The following ZNF423 variants were observed in gnomAD, a reference collection of about 807,000 sequenced individuals.
ZNF423 encodes zinc finger protein 423, also known as Ebf-associated zinc finger protein.
Under a neutral mutation model 95.8 loss-of-function variants are expected in ZNF423, and 12 were observed. The observed-to-expected ratio is 0.13, with a 90% CI of 0.08 to 0.20. The LOEUF is 0.20. Among genes scored for constraint, ZNF423 ranks in the 10% least tolerant of loss-of-function variants. The pLI, the probability that ZNF423 is intolerant of heterozygous loss-of-function variation, is 1.00. For missense variants in ZNF423, 1,316 were observed against 1,737.1 expected, an observed-to-expected ratio of 0.76 and a Z score of 4.31; for synonymous variants, 749 against 711.9, an observed-to-expected ratio of 1.05 and a Z score of -0.83.
At chr16:49,605,542 C>A (rs1463291049) in intron 5 of ZNF423, among the ~76,000 whole-genome samples, 1 of 152,214 alleles carries the variant, frequency 6.6e-6, no homozygotes, top group Non-Finnish European at 1.5e-5. Context: ...GAGAACCAAG[C>A]CCATCCCACC....
intron 2 of ZNF423, among the ~76,000 whole-genome samples, chr16:49,772,707 T>C (rs1390090680): frequency 1.3e-5 from 2 of 152,230 alleles, no homozygotes; most frequent in African/African-American, 2.4e-5. Flanking sequence ...ACATCAAGCA[T>C]GTGGGATGAA....
At chr16:49,592,322 A>C (rs1698573348) in intron 5 of ZNF423, among the ~76,000 whole-genome samples, 2 of 152,130 alleles carry the variant, frequency 1.3e-5, no homozygotes, top group South Asian at 4.1e-4. Flanking sequence ...AAAGTGTATT[A>C]TTTGAGTTTT....
intron 3 of ZNF423, among the ~76,000 whole-genome samples, chr16:49,672,460 A>T (rs1192876114): frequency 2.1e-5 from 3 of 141,530 alleles, no homozygotes; most frequent in Non-Finnish European, 4.9e-5. Context: ...TCTGGCCTGG[A>T]GGGTCTGCAC....
In ZNF423 at chr16:49,638,282, G is replaced by T. The variant is rs537739203; in HGVS notation, c.894C>A (p.Ser298=). Reference sequence around the variant, plus strand: ...GAATGCACTGCAGGTCCGCCTTCTCGGACAGCTGCGGGTGGCGGGTGAGCA... The same window carrying T: ...GAATGCACTGCAGGTCCGCCTTCTCTGACAGCTGCGGGTGGCGGGTGAGCA... ...KHVLTRHPQL[S]EKADLQCIHC... Residue 298 remains serine (S), a synonymous_variant, in exon 4 of 8, where the codon TCC becomes TCA. Coordinates refer to ENST00000563137, the MANE Select transcript of ZNF423 (RefSeq NM_001379286.1). This position sits in a 1 kb window ranked among gnomAD's most constrained non-coding sequence, Gnocchi z 5.6. 2 of 1,613,484 alleles carry T rather than the reference G, an allele frequency of 1.2e-6. No individual in the cohort carries two copies. Among genetic ancestry groups the T allele is most frequent in the South Asian group, 1.1e-5 (1 of 91,078 alleles).
At chr16:49,513,051 G>A (rs1486135825) in intron 7 of ZNF423, among the ~76,000 whole-genome samples, 1 of 152,170 alleles carries the variant, frequency 6.6e-6, no homozygotes, top group Non-Finnish European at 1.5e-5. Flanking sequence ...AGCCGAGATC[G>A]TGTTACTGCA....
intron 3 of ZNF423, among the ~76,000 whole-genome samples, chr16:49,654,277 G>A (rs948962931): frequency 2.6e-5 from 4 of 152,178 alleles, no homozygotes; most frequent in Non-Finnish European, 2.9e-5. Flanking sequence ...ATGACTTGGG[G>A]GCCAGCTCTG....
chr16:49,750,333 A>AG (rs2033610685), intron 2 of ZNF423, among the ~76,000 whole-genome samples: 11 of 152,168 alleles, frequency 7.2e-5, no homozygotes, highest in Admixed American at 6.5e-4. Flanking sequence ...ATCACCCTCC[A>AG]GGGGCCAAGT....
intron 3 of ZNF423, among the ~76,000 whole-genome samples, chr16:49,712,480 G>A (rs2032575027): frequency 6.6e-6 from 1 of 152,248 alleles, no homozygotes; most frequent in South Asian, 2.1e-4. Context: ...CTACTCAGGG[G>A]CTGAGGGTTG....
intron 7 of ZNF423, among the ~76,000 whole-genome samples, chr16:49,511,128 C>T (rs1967880732): frequency 6.6e-6 from 1 of 152,246 alleles, no homozygotes; most frequent in Non-Finnish European, 1.5e-5. Context: ...CTGAGCACAG[C>T]TGGACACAGA....
chr16:49,622,457 C>G (rs1039346955), intron 5 of ZNF423, among the ~76,000 whole-genome samples: 1 of 152,074 alleles, frequency 6.6e-6, no homozygotes, highest in East Asian at 1.9e-4. Flanking sequence ...TAGGCAGTGG[C>G]TCATCACCCT....
intron 3 of ZNF423, among the ~76,000 whole-genome samples, chr16:49,706,222 C>T (rs1322245601): frequency 6.6e-6 from 1 of 152,194 alleles, no homozygotes; most frequent in African/African-American, 2.4e-5. Flanking sequence ...TCAGAACTGA[C>T]CCCTCACCAC....
chr16:49,666,967 C>A (rs530038372), intron 3 of ZNF423, among the ~76,000 whole-genome samples: 186 of 152,290 alleles, frequency 1.2e-3, no homozygotes, highest in Non-Finnish European at 2.2e-3. Flanking sequence ...AGCCCCATCA[C>A]CGACTCCATC....
intron 1 of ZNF423, chr16:49,822,782 A>G (rs2034961024): frequency 1.4e-6 from 2 of 1,478,188 alleles, no homozygotes; most frequent in Non-Finnish European, 1.9e-6. Flanking sequence ...GCTAGTAAGC[A>G]TGTGCAATCT....
intron 3 of ZNF423, among the ~76,000 whole-genome samples, chr16:49,644,711 G>GAGGGA (rs574898819): frequency 0.011 from 1,420 of 135,006 alleles, 38 homozygotes; most frequent in African/African-American, 0.037. Context: ...TGAGCCTACA[G>GAGGGA]AGGGAACAAG....
chr16:49,570,910 C>A (rs1970334425), intron 5 of ZNF423, among the ~76,000 whole-genome samples: 1 of 152,214 alleles, frequency 6.6e-6, no homozygotes, highest in South Asian at 2.1e-4. Context: ...CCACCCTCCT[C>A]CAGGTCCTGC....
intron 3 of ZNF423, among the ~76,000 whole-genome samples, chr16:49,692,015 T>C (rs893689614): frequency 2.6e-5 from 4 of 151,892 alleles, no homozygotes; most frequent in Non-Finnish European, 5.9e-5. Context: ...AGTGGTGCAA[T>C]CGCGGCTCAC....
At chr16:49,634,696 G>T (rs1429448477) in intron 4 of ZNF423, among the ~76,000 whole-genome samples, 1 of 152,164 alleles carries the variant, frequency 6.6e-6, no homozygotes, top group East Asian at 1.9e-4. Context: ...GATCCGCCTG[G>T]CACCTCCTTG....
intron 5 of ZNF423, among the ~76,000 whole-genome samples, chr16:49,586,066 C>T (rs1255363578): frequency 6.6e-6 from 1 of 152,148 alleles, no homozygotes; most frequent in Non-Finnish European, 1.5e-5. Context: ...AGAACGCTAA[C>T]CTGGCACAAC....
At chr16:49,849,092 G>A (rs1202204014) in intron 1 of ZNF423, among the ~76,000 whole-genome samples, 6 of 152,124 alleles carry the variant, frequency 3.9e-5, no homozygotes, top group African/African-American at 9.7e-5. Context: ...ACACTTAGAC[G>A]GGAATGCAAA....
Sources: allele counts gnomAD v4.1 joint callset (sites outside exome capture counted in the v4.1 genomes callset), GRCh38; gene constraint gnomAD v4.1.1; non-coding constraint Gnocchi (gnomAD v3.1); transcripts MANE v1.5; gene names NCBI Gene and HGNC (gene_info 2026-07-23, HGNC 2026-07-21).